GMNN: variants seen among roughly 807,000 people sequenced by gnomAD.
GMNN encodes geminin.
In GMNN, 14 loss-of-function variants were observed where a neutral mutation model predicts 20.9. The observed-to-expected ratio is 0.67, with a 90% CI of 0.44 to 1.05. The LOEUF (loss-of-function observed/expected upper bound fraction) is 1.05. Ranked by LOEUF, GMNN falls within the 50% of genes least tolerant of loss-of-function variation. GMNN has a pLI of 0.00. For missense variants in GMNN, 227 were observed against 243.8 expected, an observed-to-expected ratio of 0.93 and a Z score of 0.46; for synonymous variants, 81 against 85.8, an observed-to-expected ratio of 0.94 and a Z score of 0.31.
At chr6:24,781,383 T>A in intron 3 of GMNN, 94 bp from the exon 4 acceptor site, 1 of 738,008 alleles carries the variant, frequency 1.4e-6, no homozygotes, top group South Asian at 1.9e-5. Flanking sequence ...AAGTTAGATA[T>A]GCGTACTCTT....
In GMNN at chr6:24,785,708, CTG is replaced by C. The variant is rs939630843; in HGVS notation, c.541_542del (p.Val181Ter). 3.2e-6 allele frequency: 5 copies of C among 1,560,876 alleles called. No individual in the cohort carries two copies. The highest frequency in any genetic ancestry group is 4.4e-6 in the Non-Finnish European group (5 of 1,138,432). On this transcript the variant is annotated frameshift_variant, in exon 7 of 7. Coordinates refer to ENST00000230056, the MANE Select transcript of GMNN (RefSeq NM_015895.5). LOFTEE classifies it low-confidence loss of function (END_TRUNC). Reference sequence around the variant, plus strand: ...CAGGAATTTGATTCTGAAGAAGAAACTGTTGAGGATTCTCTAGTGGAAGACTC... The same window carrying C: ...CAGGAATTTGATTCTGAAGAAGAAACTTGAGGATTCTCTAGTGGAAGACTC...
At position 24,778,055 on chromosome 6, in the gene GMNN, T is replaced by C. The variant is rs1244178787; in HGVS notation, c.51+758T>C. Among the ~76,000 whole-genome samples, 3 of 152,350 alleles carry C rather than the reference T, an allele frequency of 2.0e-5. No homozygotes were observed. In the East Asian group the frequency reaches 5.8e-4, roughly 29 times the overall value. ...ACTCTTATGACAGCAGGACAGAGTTTGTTTAGTTTTGAGTTTATACTTCTG... is the reference window on the plus strand; with the variant it reads ...ACTCTTATGACAGCAGGACAGAGTTCGTTTAGTTTTGAGTTTATACTTCTG... On this transcript the variant is annotated intron_variant, in intron 2 of 6. Transcript: ENST00000230056.
chr6:24,780,069 A>G (rs1248067395), intron 2 of GMNN, among the ~76,000 whole-genome samples: 1 of 152,202 alleles, frequency 6.6e-6, no homozygotes, highest in Non-Finnish European at 1.5e-5. Flanking sequence ...CCTGAAATGA[A>G]TCTTTTTGAT....
At chr6:24,784,250 T>C in intron 5 of GMNN, 81 bp downstream of exon 5, 1 of 795,996 alleles carries the variant, frequency 1.3e-6, no homozygotes. Context: ...TAGAGCAATA[T>C]GGGCTAGCTT....
At chr6:24,780,163 C>T (rs538805570) in intron 2 of GMNN, among the ~76,000 whole-genome samples, 6 of 152,202 alleles carry the variant, frequency 3.9e-5, no homozygotes, top group African/African-American at 1.2e-4. Flanking sequence ...ATAAATGTTA[C>T]GATGTTTGGT....
chr6:24,781,162 C>T (rs2113577865), intron 3 of GMNN, among the ~76,000 whole-genome samples: 1 of 152,078 alleles, frequency 6.6e-6, no homozygotes, highest in South Asian at 2.1e-4. Context: ...CGAGGTCACA[C>T]CACTGCACTC....
In GMNN at chr6:24,776,489, A is replaced by G. The variant is rs376986100; in HGVS notation, c.-25-733A>G. On this transcript the variant is annotated intron_variant, in intron 1 of 6. Transcript: ENST00000230056. ...CACATGTGTGTGCACGCGCCAGGAC[A>G]CAAGGTAAAATGTATTAATGTTAGA... is the stretch of plus-strand genomic sequence containing the variant. Among the ~76,000 whole-genome samples, 17 of 152,336 alleles carry G rather than the reference A, an allele frequency of 1.1e-4. No individual in the cohort carries two copies. The South Asian group carries it at 3.5e-3, about 32-fold the overall frequency.
chr6:24,782,583 C>A (rs1780246770), intron 4 of GMNN, among the ~76,000 whole-genome samples: 1 of 152,052 alleles, frequency 6.6e-6, no homozygotes, highest in African/African-American at 2.4e-5. Context: ...GAAAGGTTGA[C>A]TGGATAGAAA....
intron 2 of GMNN, among the ~76,000 whole-genome samples, chr6:24,780,075 T>TTA: frequency 6.6e-6 from 1 of 152,228 alleles, no homozygotes; most frequent in Admixed American, 6.5e-5. Flanking sequence ...ATGAATCTTT[T>TTA]TGATTAGGGA....
intron 3 of GMNN, 27 bp from the exon 4 acceptor site, chr6:24,781,450 T>C: frequency 1.3e-6 from 2 of 1,495,798 alleles, no homozygotes; most frequent in Non-Finnish European, 1.8e-6. Flanking sequence ...TCAAAGTAAA[T>C]ACAGTTGATA....
chr6:24,781,868 G>A (rs929002654), intron 4 of GMNN, among the ~76,000 whole-genome samples: 2 of 152,222 alleles, frequency 1.3e-5, no homozygotes, highest in African/African-American at 4.8e-5. Context: ...CAGGAGGATG[G>A]CTTGAGTCTA....
Position 24,784,462 on chromosome 6 carries a change from C to T in GMNN, c.376C>T (p.Gln126Ter). 6.5e-7 allele frequency: 1 copy of T among 1,543,810 alleles called. No individual in the cohort carries two copies. The highest frequency in any genetic ancestry group is 9.0e-7 in the Non-Finnish European group (1 of 1,116,302). Residue 126 changes from glutamine to a stop codon, truncating the protein, a stop_gained, in exon 6 of 7, where the codon CAA (glutamine) becomes TAA (stop). Coordinates refer to ENST00000230056, the MANE Select transcript of GMNN (RefSeq NM_015895.5). LOFTEE classifies it high-confidence loss of function. Reference sequence around the variant, plus strand: ...AATACAGCTTCATAAAGAAATTGAACAAAAGGACAATGAAATTGCCCGCCT... The same window carrying T: ...AATACAGCTTCATAAAGAAATTGAATAAAAGGACAATGAAATTGCCCGCCT... ...ENEKLHKEIE[Q>*]KDNEIARLKK... is the part of the protein sequence containing the mutation.
chr6:24,783,320 GAA>G (rs1400217108), intron 4 of GMNN, among the ~76,000 whole-genome samples: 1 of 152,066 alleles, frequency 6.6e-6, no homozygotes, highest in East Asian at 1.9e-4. Context: ...ATTGGGGTAG[GAA>G]AAGTTTTTAT....
chr6:24,777,883 AAG>A (rs1405722459), intron 2 of GMNN: 1 of 152,248 alleles, frequency 6.6e-6, no homozygotes, highest in African/African-American at 2.4e-5. Flanking sequence ...CTTCAGAATT[AAG>A]AGTCTTTGAC....
In GMNN at chr6:24,785,816, A is replaced by T; in HGVS notation, c.*17A>T. ...TGTATATGAAATGCATTAATATTTG[A>T]CTGTTGAGAATTTTACTGCCGAAGT... is the stretch of plus-strand genomic sequence containing the variant. On this transcript the variant is annotated 3_prime_UTR_variant, in exon 7 of 7. Coordinates refer to ENST00000230056, the MANE Select transcript of GMNN (RefSeq NM_015895.5). The T allele has an allele frequency of 6.6e-7, 1 of 1,514,926 alleles. No individual in the cohort carries two copies. The highest frequency in any genetic ancestry group is 9.0e-7 in the Non-Finnish European group (1 of 1,111,514). 93.8% of individuals were successfully genotyped at this position (1,514,926 alleles called of 1,614,324 possible). A position where few individuals can be genotyped will look rare whatever the true frequency, so the allele number is the denominator to read the frequency against.
chr6:24,777,934 A>C (rs556081399), intron 2 of GMNN, among the ~76,000 whole-genome samples: 1 of 152,280 alleles, frequency 6.6e-6, no homozygotes, highest in East Asian at 1.9e-4. Flanking sequence ...ATTTTTCTAG[A>C]GTATACCATA....
rs867124425 is a variant in GMNN, at chr6:24,775,020, C to G, written c.-250C>G. 1.3e-5 allele frequency: 2 copies of G among 152,404 alleles called. No individual in the cohort carries two copies. The allele number at this position is 152,404 out of a possible 1,614,324, so 9.4% of individuals were successfully genotyped here. On this transcript the variant is annotated 5_prime_UTR_variant, in exon 1 of 7. Coordinates refer to ENST00000230056, the MANE Select transcript of GMNN (RefSeq NM_015895.5). Reference sequence around the variant, plus strand: ...AGAGCGCGCCGGGCACTCCAGCGACCGTGGGGATCAGCGTAGGTGAGCTGT... The same window carrying G: ...AGAGCGCGCCGGGCACTCCAGCGACGGTGGGGATCAGCGTAGGTGAGCTGT...
At position 24,785,836 on chromosome 6, in the gene GMNN, C is replaced by T. The variant is rs746623480; in HGVS notation, c.*37C>T. ...ATTTGACTGTTGAGAATTTTACTGC[C>T]GAAGTTTACCTCCACTAGTTCTTTG... On this transcript the variant is annotated 3_prime_UTR_variant, in exon 7 of 7. Coordinates refer to ENST00000230056, the MANE Select transcript of GMNN (RefSeq NM_015895.5). 29 of 1,261,882 alleles carry T rather than the reference C, an allele frequency of 2.3e-5. No homozygotes were observed. Among genetic ancestry groups the T allele is most frequent in the African/African-American group, 3.0e-5 (2 of 65,972 alleles). 78.2% of individuals were successfully genotyped at this position (1,261,882 alleles called of 1,614,324 possible).
chr6:24,783,303 C>A lies in GMNN; in HGVS notation c.275-784C>A, dbSNP rs1335885204. 5.9e-5 allele frequency among the ~76,000 whole-genome samples: 9 copies of A among 152,082 alleles called. No individual in the cohort carries two copies. The East Asian group carries it at 1.7e-3, about 29-fold the overall frequency. ...ATATGAGTCTATACTGATAAATTTT[C>A]TTTTAAATTGGGGTAGGAAAAGTTT... On this transcript the variant is annotated intron_variant, in intron 4 of 6. Transcript: ENST00000230056.
Sources: gnomAD v4.1 joint callset for allele counts (sites outside exome capture counted in the v4.1 genomes callset) on GRCh38, gnomAD v4.1.1 for gene constraint, MANE v1.5 for transcripts, NCBI Gene and HGNC (gene_info 2026-07-23, HGNC 2026-07-21) for gene names.